The following GNG2 variants were observed in gnomAD, a reference collection of about 807,000 sequenced individuals.
GNG2 encodes the protein G protein subunit gamma 2.
Under a neutral mutation model 5.5 loss-of-function variants are expected in GNG2, and 5 were observed. That is an observed-to-expected ratio of 0.91 (90% CI 0.48 to 1.92). The LOEUF (loss-of-function observed/expected upper bound fraction) is 1.92, where lower values mean the gene tolerates loss of function less well. GNG2 is among the 30% of genes most tolerant of loss of function. The pLI, the probability that GNG2 is intolerant of heterozygous loss-of-function variation, is 0.01. For synonymous variants in GNG2, 28 were observed against 32.0 expected (o/e 0.88, Z 0.42); for missense variants, 55 against 88.4 (o/e 0.62, Z 1.52).
At chr14:51,869,099 A>T (rs1036555834) in intron 1 of GNG2, among the ~76,000 whole-genome samples, 8 of 152,244 alleles carry the variant, frequency 5.3e-5, no homozygotes, top group African/African-American at 1.9e-4. Flanking sequence ...GAAAGCACTA[A>T]CTAATTTGAA....
At chr14:51,871,732 T>C (rs1187460960) in intron 1 of GNG2, among the ~76,000 whole-genome samples, 1 of 152,244 alleles carries the variant, frequency 6.6e-6, no homozygotes, top group African/African-American at 2.4e-5. Flanking sequence ...GTGATTGTTA[T>C]GGCCCAACAT....
chr14:51,870,341 G>T (rs561468085), intron 1 of GNG2, among the ~76,000 whole-genome samples: 1 of 152,184 alleles, frequency 6.6e-6, no homozygotes, highest in East Asian at 1.9e-4. Flanking sequence ...GAGAAAGCTA[G>T]GCAAAGTAAA....
At chr14:51,923,594 GTTC>G (rs1887150799) in intron 2 of GNG2, among the ~76,000 whole-genome samples, 1 of 151,064 alleles carries the variant, frequency 6.6e-6, no homozygotes, top group South Asian at 2.1e-4. Flanking sequence ...ACAGACATAT[GTTC>G]TTCATTTGAT....
At chr14:51,904,308 C>T (rs1339937132) in intron 2 of GNG2, among the ~76,000 whole-genome samples, 1 of 152,174 alleles carries the variant, frequency 6.6e-6, no homozygotes, top group African/African-American at 2.4e-5. Context: ...TGGCAGGAGC[C>T]TGAGTGTGTA....
chr14:51,947,309 G>A (rs1888700081), intron 2 of GNG2, among the ~76,000 whole-genome samples: 1 of 152,130 alleles, frequency 6.6e-6, no homozygotes, highest in Admixed American at 6.6e-5. Context: ...AGTTGCAGAT[G>A]GAATTAAGGT....
chr14:51,938,236 CA>C (rs1286346181), intron 2 of GNG2, among the ~76,000 whole-genome samples: 1 of 152,208 alleles, frequency 6.6e-6, no homozygotes, highest in Non-Finnish European at 1.5e-5. Flanking sequence ...TAGGATTGCT[CA>C]TGAAGTTCTT....
chr14:51,913,014 A>G (rs886092330), intron 2 of GNG2: 7 of 152,170 alleles, frequency 4.6e-5, no homozygotes, highest in Non-Finnish European at 1.0e-4. Flanking sequence ...CAAAGGGATG[A>G]TACTGTGAAG....
At chr14:51,900,060 A>T (rs1351387585) in intron 2 of GNG2, among the ~76,000 whole-genome samples, 1 of 152,166 alleles carries the variant, frequency 6.6e-6, no homozygotes, top group African/African-American at 2.4e-5. Context: ...TGATAGTTGT[A>T]TTTTTAATTT....
chr14:51,926,971 A>G (rs1887367725), intron 2 of GNG2, among the ~76,000 whole-genome samples: 1 of 152,180 alleles, frequency 6.6e-6, no homozygotes, highest in Admixed American at 6.5e-5. Flanking sequence ...GTCCAGCAAC[A>G]TGATAAATAG....
At chr14:51,856,908 A>G (rs1882188120), upstream of GNG2, among the ~76,000 whole-genome samples, 1 of 152,202 alleles carries the variant, frequency 6.6e-6, no homozygotes, top group African/African-American at 2.4e-5. Flanking sequence ...CAAAATATAT[A>G]TATAGAGAGG....
At chr14:51,908,064 G>A (rs1011991978) in intron 2 of GNG2, among the ~76,000 whole-genome samples, 2 of 152,246 alleles carry the variant, frequency 1.3e-5, no homozygotes, top group African/African-American at 2.4e-5. Context: ...ATCCAGGATG[G>A]TTCTGGCTCA....
intron 2 of GNG2, among the ~76,000 whole-genome samples, chr14:51,943,254 TG>T (rs1417562689): frequency 6.6e-6 from 1 of 152,218 alleles, no homozygotes; most frequent in African/African-American, 2.4e-5. Context: ...AAAGGTTTTT[TG>T]TTGTTGTTGT....
chr14:51,932,271 A>AAAAAAAAAAAAG lies in GNG2; in HGVS notation c.-29-18378_-29-18377insAAAAAAAAAAGA, dbSNP rs60014306. On this transcript the variant is annotated intron_variant, in intron 2 of 3. Transcript: ENST00000556766. ...CAAAAAAAAAAAAAAAAAAAAAAAA[A>AAAAAAAAAAAAG]AGAAAAGAAAATATGGTATATATGC... 6.3e-4 allele frequency among the ~76,000 whole-genome samples: 61 copies of AAAAAAAAAAAAG among 96,356 alleles called. 9 individuals carry two copies. The highest frequency in any genetic ancestry group is 9.2e-4 in the Non-Finnish European group (45 of 48,784). 63.2% of individuals were successfully genotyped at this position (96,356 alleles called of 152,430 possible).
chr14:51,835,469 C>T (rs1331953623), intron 2 of GNG2, among the ~76,000 whole-genome samples: 1 of 152,180 alleles, frequency 6.6e-6, no homozygotes, highest in Admixed American at 6.5e-5. Context: ...AAACTGTCTT[C>T]CCCAGTTGCC....
intron 2 of GNG2, among the ~76,000 whole-genome samples, chr14:51,887,686 A>G (rs10129965): frequency 0.46 from 70,258 of 152,000 alleles, 16,556 homozygotes; most frequent in African/African-American, 0.51. Context: ...TGGGGTTAAA[A>G]TGAACTGAAG....
intron 2 of GNG2, among the ~76,000 whole-genome samples, chr14:51,907,879 T>C (rs1886031003): frequency 6.6e-6 from 1 of 152,214 alleles, no homozygotes; most frequent in Non-Finnish European, 1.5e-5. Flanking sequence ...ACAGAACCAA[T>C]GTGAGACTAG....
intron 2 of GNG2, among the ~76,000 whole-genome samples, chr14:51,901,914 C>T (rs1452154778): frequency 7.5e-6 from 1 of 133,818 alleles, no homozygotes; most frequent in Non-Finnish European, 1.5e-5. Context: ...ACAGGAGCAT[C>T]ACTTAGCTAG....
intron 1 of GNG2, among the ~76,000 whole-genome samples, chr14:51,861,072 T>C (rs1183704573): frequency 6.6e-6 from 1 of 152,024 alleles, no homozygotes; most frequent in Non-Finnish European, 1.5e-5. Flanking sequence ...CAGGGCTGAG[T>C]CGAAATCCAT....
intron 2 of GNG2, among the ~76,000 whole-genome samples, chr14:51,935,355 G>A (rs554089934): frequency 1.3e-5 from 2 of 152,256 alleles, no homozygotes; most frequent in African/African-American, 4.8e-5. Context: ...TACTGCATCA[G>A]AATGCCTCAT....
Sources: gnomAD v4.1 joint callset for allele counts (sites outside exome capture counted in the v4.1 genomes callset) on GRCh38, gnomAD v4.1.1 for gene constraint, MANE v1.5 for transcripts, NCBI Gene and HGNC (gene_info 2026-07-23, HGNC 2026-07-21) for gene names.